The following NBAS variants were observed in gnomAD, a reference collection of about 807,000 sequenced individuals.
The protein encoded by NBAS is NBAS subunit of NRZ tethering complex.
A neutral mutation model predicts 302.5 loss-of-function variants in NBAS; 219 were observed. That is an observed-to-expected ratio of 0.72 (90% CI 0.65 to 0.81). The LOEUF (loss-of-function observed/expected upper bound fraction) is 0.81. Ranked by LOEUF, NBAS falls within the 30% of genes least tolerant of loss-of-function variation. NBAS has a pLI of 0.00. For synonymous variants in NBAS, 1,118 were observed against 1,021.6 expected (o/e 1.09, Z -1.80); for missense variants, 2,932 against 2,841.6 (o/e 1.03, Z -0.72).
intron 39 of NBAS, 107 bp downstream of exon 39, chr2:15,309,064 G>T (rs1365643817): frequency 3.6e-6 from 2 of 553,156 alleles, no homozygotes; most frequent in Non-Finnish European, 2.9e-6. Flanking sequence ...AGAAAAAAAA[G>T]AAACAGGAGG....
intron 5 of NBAS, among the ~76,000 whole-genome samples, chr2:15,552,028 T>C (rs1271337310): frequency 6.6e-6 from 1 of 152,218 alleles, no homozygotes; most frequent in Non-Finnish European, 1.5e-5. Flanking sequence ...CTATTTTAAA[T>C]CTGTGATCCT....
At chr2:14,793,066 G>GTT in the NBAS span, among the ~76,000 whole-genome samples, 1 of 129,358 alleles carries the variant, frequency 7.7e-6, no homozygotes, top group Non-Finnish European at 1.6e-5. Context: ...CTCTGTCTCT[G>GTT]TTTCTCTCTC....
intron 44 of NBAS, among the ~76,000 whole-genome samples, chr2:15,257,466 C>T (rs763345664): frequency 6.8e-6 from 1 of 146,316 alleles, no homozygotes; most frequent in Non-Finnish European, 1.5e-5. Context: ...AATCTTGGTT[C>T]ACTGCAACCT....
At chr2:15,488,756 C>A in intron 12 of NBAS, 138 bp downstream of exon 12, 1 of 1,135,002 alleles carries the variant, frequency 8.8e-7, no homozygotes, top group South Asian at 1.3e-5. Flanking sequence ...GTACTGATAT[C>A]ATAATTTAAA....
chr2:15,537,943 C>T (rs1350085270), intron 7 of NBAS, among the ~76,000 whole-genome samples: 1 of 152,146 alleles, frequency 6.6e-6, no homozygotes, highest in African/African-American at 2.4e-5. Context: ...TCCTCATTGT[C>T]TAGAACCACA....
the NBAS span, among the ~76,000 whole-genome samples, chr2:15,112,010 T>C: frequency 1.3e-5 from 2 of 149,938 alleles, no homozygotes; most frequent in African/African-American, 4.9e-5. Flanking sequence ...CATTAAAAAA[T>C]GATCATTAGA....
chr2:14,821,653 A>G, the NBAS span, among the ~76,000 whole-genome samples: 1 of 152,130 alleles, frequency 6.6e-6, no homozygotes, highest in Middle Eastern at 3.2e-3. Context: ...ACATTACTTG[A>G]TTAATACAGA....
intron 30 of NBAS, among the ~76,000 whole-genome samples, chr2:15,377,076 T>C (rs1674779083): frequency 6.6e-6 from 1 of 152,090 alleles, no homozygotes; most frequent in Admixed American, 6.6e-5. Flanking sequence ...AACCACAATT[T>C]TAAAAAAATT....
chr2:15,297,325 GAC>G (rs1212613902), intron 40 of NBAS, among the ~76,000 whole-genome samples: 1 of 152,174 alleles, frequency 6.6e-6, no homozygotes, highest in Admixed American at 6.5e-5. Context: ...GACCAATGTA[GAC>G]ACAGCTCCCA....
intron 9 of NBAS, among the ~76,000 whole-genome samples, chr2:15,527,842 C>T (rs941421481): frequency 3.9e-5 from 6 of 152,236 alleles, no homozygotes; most frequent in South Asian, 2.1e-4. Flanking sequence ...TGAGTAGGTG[C>T]TTGTTACGTG....
At chr2:15,426,956 TG>T (rs1677510490) in intron 22 of NBAS, among the ~76,000 whole-genome samples, 1 of 152,098 alleles carries the variant, frequency 6.6e-6, no homozygotes, top group South Asian at 2.1e-4. Flanking sequence ...AACTTCTACT[TG>T]GGGAATATGC....
the NBAS span, among the ~76,000 whole-genome samples, chr2:14,929,615 TG>T: frequency 6.6e-6 from 1 of 152,176 alleles, no homozygotes; most frequent in Non-Finnish European, 1.5e-5. Context: ...TGACCTCAGA[TG>T]ATCTGCCTGC....
chr2:15,213,331 G>A (rs538299836), intron 48 of NBAS, among the ~76,000 whole-genome samples: 1 of 152,322 alleles, frequency 6.6e-6, no homozygotes, highest in African/African-American at 2.4e-5. Context: ...AATAGGCATG[G>A]CATTTTTCAA....
At chr2:15,009,618 A>T in the NBAS span, among the ~76,000 whole-genome samples, 1 of 149,832 alleles carries the variant, frequency 6.7e-6, no homozygotes, top group Non-Finnish European at 1.5e-5. Flanking sequence ...ACACACACAC[A>T]CACACACACA....
intron 22 of NBAS, 106 bp from the exon 23 acceptor site, chr2:15,424,574 G>A (rs1404226111): frequency 1.5e-6 from 2 of 1,294,472 alleles, no homozygotes; most frequent in Non-Finnish European, 2.2e-6. Context: ...GTAAGAGACA[G>A]GGAGCATACA....
intron 49 of NBAS, among the ~76,000 whole-genome samples, chr2:15,188,683 T>C (rs1665200294): frequency 6.6e-6 from 1 of 152,236 alleles, no homozygotes. Flanking sequence ...TTTTTGGGTT[T>C]ACAAATGCAC....
intron 48 of NBAS, among the ~76,000 whole-genome samples, chr2:15,197,942 T>C (rs1242615966): frequency 6.6e-6 from 1 of 152,224 alleles, no homozygotes; most frequent in Non-Finnish European, 1.5e-5. Flanking sequence ...ATTATGCAAA[T>C]GCAGATATGA....
chr2:15,069,331 A>C, the NBAS span, among the ~76,000 whole-genome samples: 1 of 152,224 alleles, frequency 6.6e-6, no homozygotes. Context: ...CCCAGCAGTG[A>C]AGCGGCTTTG....
In NBAS at chr2:15,234,626, A is replaced by G. The variant is rs1281139128; in HGVS notation, c.6065T>C (p.Leu2022Pro). 2 of 1,614,196 alleles carry G rather than the reference A, an allele frequency of 1.2e-6. No individual in the cohort carries two copies. Among genetic ancestry groups the G allele is most frequent in the Non-Finnish European group, 1.7e-6 (2 of 1,180,006 alleles). ...GTCAAGAGGGCCAACTGCCACCTCT[A>G]GCAGCTGCTGAATCATTGCTAGAGG... ...GQPLAMIQQL[L>P]EVAVGPLDIS... is the part of the protein sequence containing the mutation. Residue 2022 changes from leucine (L) to proline (P), a missense_variant, in exon 46 of 52, where the codon CTA (leucine) becomes CCA (proline). Coordinates refer to ENST00000281513, the MANE Select transcript of NBAS (RefSeq NM_015909.4).
Sources: allele counts gnomAD v4.1 joint callset (sites outside exome capture counted in the v4.1 genomes callset), GRCh38; gene constraint gnomAD v4.1.1; transcripts MANE v1.5; gene names NCBI Gene and HGNC (gene_info 2026-07-23, HGNC 2026-07-21).